TOPBP1: variants seen among roughly 807,000 people sequenced by gnomAD.
TOPBP1 encodes DNA topoisomerase II binding protein 1.
Under a neutral mutation model 167.7 loss-of-function variants are expected in TOPBP1, and 28 were observed. The ratio of observed to expected loss-of-function variants is 0.17; its 90% CI spans 0.12 to 0.23. TOPBP1 has a LOEUF of 0.23. Among genes scored for constraint, TOPBP1 ranks in the 10% least tolerant of loss-of-function variants. TOPBP1 has a pLI of 1.00. For missense variants in TOPBP1, 1,554 were observed against 1,809.6 expected (o/e 0.86, Z 2.56); for synonymous variants, 598 against 611.4 (o/e 0.98, Z 0.32).
rs931840903 is a variant in TOPBP1, at chr3:133,601,457, G to A, written c.4426-64C>T. On this transcript the variant is annotated intron_variant, in intron 27 of 27. Coordinates refer to ENST00000260810, the MANE Select transcript of TOPBP1 (RefSeq NM_007027.4). ...CAAACATTTACGTGATCTGGTAATAGATTTTTTCTTTAAATCTCAGACCTC... is the reference window on the plus strand; with the variant it reads ...CAAACATTTACGTGATCTGGTAATAAATTTTTTCTTTAAATCTCAGACCTC... 23 of 1,267,314 alleles carry A rather than the reference G, an allele frequency of 1.8e-5. No homozygotes were observed. The South Asian group carries it at 3.6e-4, about 20-fold the overall frequency. 78.5% of individuals were successfully genotyped at this position (1,267,314 alleles called of 1,614,324 possible).
intron 21 of TOPBP1, 70 bp downstream of exon 21, chr3:133,618,143 T>A (rs746161908): frequency 7.7e-7 from 1 of 1,301,056 alleles, no homozygotes; most frequent in South Asian, 1.2e-5. Flanking sequence ...TACAACATGC[T>A]CATCTGTTTA....
intron 8 of TOPBP1, 102 bp downstream of exon 8, chr3:133,652,361 T>C (rs893976086): frequency 6.3e-6 from 8 of 1,274,428 alleles, no homozygotes; most frequent in African/African-American, 4.5e-5. Flanking sequence ...AGGGTTTACA[T>C]AGATAGTAAG....
rs999504811 is a variant in TOPBP1 at position 133,649,783 on chromosome 3, T to A, written c.1250A>T (p.His417Leu). ...TTGAATTAAAAACGAAAAAAACCTG[T>A]GGGCTGATTTATTCCAAAACTGCTT... ...ELKQFWNKSA[H>L]RPHVVGAKWL... Residue 417 changes from histidine (H) to leucine (L), a missense_variant, in exon 9 of 28, where the codon CAC becomes CTC. Coordinates refer to ENST00000260810, the MANE Select transcript of TOPBP1 (RefSeq NM_007027.4). The A allele has an allele frequency of 6.3e-7, 1 of 1,588,260 alleles. No individual in the cohort carries two copies. The highest frequency in any genetic ancestry group is 1.4e-5 in the African/African-American group (1 of 73,108).
At chr3:133,632,277 C>T (rs547219249) in intron 14 of TOPBP1, among the ~76,000 whole-genome samples, 2 of 151,872 alleles carry the variant, frequency 1.3e-5, no homozygotes, top group South Asian at 2.1e-4. Context: ...TGGGGGTAGG[C>T]GCCTGTAATC....
chr3:133,608,788 G>A (rs536756215), intron 26 of TOPBP1, 85 bp downstream of exon 26: 34 of 1,564,116 alleles, frequency 2.2e-5, no homozygotes, highest in African/African-American at 2.7e-5. Flanking sequence ...ATTTCAAAAA[G>A]TAGAGAAAAT....
At chr3:133,648,447 C>A (rs1054841739) in intron 10 of TOPBP1, among the ~76,000 whole-genome samples, 2 of 152,138 alleles carry the variant, frequency 1.3e-5, no homozygotes, top group African/African-American at 4.8e-5. Flanking sequence ...TAGACAAAAT[C>A]ACATAAGCTG....
chr3:133,636,357 T>C (rs1484056398), intron 14 of TOPBP1, among the ~76,000 whole-genome samples: 1 of 151,592 alleles, frequency 6.6e-6, no homozygotes, highest in Admixed American at 6.6e-5. Context: ...ATGTTTTAAG[T>C]AAAGAATTCA....
chr3:133,656,881 T>C, intron 4 of TOPBP1, 24 bp from the exon 5 acceptor site: 3 of 1,507,436 alleles, frequency 2.0e-6, no homozygotes, highest in Non-Finnish European at 2.7e-6. Context: ...AGAGAACACA[T>C]TAATGCTGAA....
At chr3:133,641,876 G>A (rs1340943154) in intron 12 of TOPBP1, among the ~76,000 whole-genome samples, 1 of 152,120 alleles carries the variant, frequency 6.6e-6, no homozygotes, top group African/African-American at 2.4e-5. Context: ...ATTATTATAA[G>A]GTGAAACCCT....
At chr3:133,643,597 C>T (rs1297829803) in intron 11 of TOPBP1, among the ~76,000 whole-genome samples, 1 of 151,886 alleles carries the variant, frequency 6.6e-6, no homozygotes, top group African/African-American at 2.4e-5. Context: ...CTATTAAAAT[C>T]GGTAAGATCT....
intron 13 of TOPBP1, among the ~76,000 whole-genome samples, chr3:133,639,339 T>C (rs1935808898): frequency 6.6e-6 from 1 of 152,134 alleles, no homozygotes; most frequent in African/African-American, 2.4e-5. Flanking sequence ...GAAACCATCA[T>C]TCTGAGGAAA....
At chr3:133,626,073 T>C (rs935244762) in intron 16 of TOPBP1, among the ~76,000 whole-genome samples, 6 of 152,238 alleles carry the variant, frequency 3.9e-5, no homozygotes, top group African/African-American at 1.4e-4. Context: ...TTTGGCAAAT[T>C]TTTTCTTAAA....
At chr3:133,650,362 T>G (rs868826122) in intron 8 of TOPBP1, among the ~76,000 whole-genome samples, 1,663 of 95,592 alleles carry the variant, frequency 0.017, 19 homozygotes, top group Non-Finnish European at 0.025. Flanking sequence ...ATTGTGTGTG[T>G]GTGGGGGGCG....
chr3:133,625,680 G>A (rs1175957391), intron 16 of TOPBP1, among the ~76,000 whole-genome samples: 6 of 151,488 alleles, frequency 4.0e-5, no homozygotes, highest in Admixed American at 2.6e-4. Context: ...GTGGTGAGTC[G>A]AGATTATGTC....
At position 133,624,257 on chromosome 3, in the gene TOPBP1, G is replaced by T. The variant is rs1432845851; in HGVS notation, c.2805-82C>A. ...AGATGATTCTTATTTACTGTGAACAGAATATTCTGACCTTCCCAAAACTTT... is the reference window on the plus strand; with the variant it reads ...AGATGATTCTTATTTACTGTGAACATAATATTCTGACCTTCCCAAAACTTT... On this transcript the variant is annotated intron_variant, in intron 16 of 27. Coordinates refer to ENST00000260810, the MANE Select transcript of TOPBP1 (RefSeq NM_007027.4). 2.3e-5 allele frequency: 35 copies of T among 1,500,838 alleles called. No individual in the cohort carries two copies. In the Admixed American group the frequency reaches 6.5e-4, roughly 28 times the overall value. The allele number at this position is 1,500,838 out of a possible 1,614,324, so 93.0% of individuals were successfully genotyped here.
Position 133,624,167 on chromosome 3 carries a change from A to C in TOPBP1, c.2813T>G (p.Phe938Cys), listed in dbSNP as rs933093214. The C allele has an allele frequency of 6.2e-7, 1 of 1,613,304 alleles. No homozygotes were observed. Among genetic ancestry groups the C allele is most frequent in the African/African-American group, 1.3e-5 (1 of 74,924 alleles). ...GATGAAATGAGTCACTGTTTCATCAAAACTCCACCTGAAATAACCAATACA... is the reference window on the plus strand; with the variant it reads ...GATGAAATGAGTCACTGTTTCATCACAACTCCACCTGAAATAACCAATACA... ...ASLGADYRWS[F>C]DETVTHFIYQ... Residue 938 changes from phenylalanine to cysteine, a missense_variant, in exon 17 of 28, where the codon TTT (phenylalanine) becomes TGT (cysteine). Transcript: ENST00000260810.
Position 133,657,798 on chromosome 3 carries a change from C to T in TOPBP1, c.363G>A (p.Arg121=). The change falls in exon 4 of 28, where the codon AGG becomes AGA. Residue 121 remains arginine (R), a splice_region_variant and synonymous_variant. Transcript: ENST00000260810. ...CAATCATCATGAGATCAATATCTAC[C>T]CTTTTTTCTTTTTCCAGACTTGTAC... ...ISCTSLEKEK[R]EEVHKYVQMM... is the part of the protein sequence containing the mutation. 6.5e-7 allele frequency: 1 copy of T among 1,532,984 alleles called. No individual in the cohort carries two copies. Among genetic ancestry groups the T allele is most frequent in the Non-Finnish European group, 8.7e-7 (1 of 1,146,924 alleles). 95.0% of individuals were successfully genotyped at this position (1,532,984 alleles called of 1,614,324 possible).
At chr3:133,643,404 C>G in intron 11 of TOPBP1, 32 bp from the exon 12 acceptor site, 1 of 1,527,824 alleles carries the variant, frequency 6.5e-7, no homozygotes, top group Non-Finnish European at 8.8e-7. Context: ...GTAAAGCCAA[C>G]CTGAAATAAG....
intron 25 of TOPBP1, among the ~76,000 whole-genome samples, chr3:133,609,231 T>C (rs1934596003): frequency 3.3e-5 from 5 of 152,156 alleles, no homozygotes; most frequent in Admixed American, 2.6e-4. Flanking sequence ...GTTTAGTCTT[T>C]TCTAGTATTT....
Sources: gnomAD v4.1 joint callset for allele counts (sites outside exome capture counted in the v4.1 genomes callset) on GRCh38, gnomAD v4.1.1 for gene constraint, MANE v1.5 for transcripts, NCBI Gene and HGNC (gene_info 2026-07-23, HGNC 2026-07-21) for gene names.